VAT1L: variants seen among roughly 807,000 people sequenced by gnomAD.
VAT1L encodes the protein vesicle amine transport 1 like.
VAT1L carries 34 observed loss-of-function variants against 44.1 expected under a neutral mutation model. The ratio of observed to expected loss-of-function variants is 0.77; its 90% CI spans 0.59 to 1.03. The LOEUF (loss-of-function observed/expected upper bound fraction) is 1.03. VAT1L is among the 50% of genes least tolerant of loss of function. The pLI is 0.00. For missense variants in VAT1L, 615 were observed against 538.8 expected (o/e 1.14, Z -1.40); for synonymous variants, 253 against 202.2 (o/e 1.25, Z -2.13).
chr16:77,967,523 A>AT (rs2018235815), intron 7 of VAT1L, among the ~76,000 whole-genome samples: 1 of 152,238 alleles, frequency 6.6e-6, no homozygotes, highest in African/African-American at 2.4e-5. Flanking sequence ...CACAGCGTGA[A>AT]TAGGAGGTCA....
intron 7 of VAT1L, among the ~76,000 whole-genome samples, chr16:77,933,836 C>T (rs1208328514): frequency 6.6e-6 from 1 of 152,140 alleles, no homozygotes; most frequent in Non-Finnish European, 1.5e-5. Context: ...GAGAAGTAGT[C>T]AGATGGCACA....
intron 3 of VAT1L, among the ~76,000 whole-genome samples, chr16:77,846,684 C>G (rs2016760834): frequency 6.6e-6 from 1 of 152,068 alleles, no homozygotes; most frequent in South Asian, 2.1e-4. Context: ...ACTATAACAC[C>G]ATAATTTCTT....
intron 7 of VAT1L, among the ~76,000 whole-genome samples, chr16:77,914,356 A>G (rs2017529750): frequency 6.6e-6 from 1 of 152,228 alleles, no homozygotes; most frequent in Admixed American, 6.5e-5. Flanking sequence ...GGAGTACTAT[A>G]AAATAGCATT....
At chr16:77,825,742 C>T (rs1048953568) in intron 3 of VAT1L, among the ~76,000 whole-genome samples, 1 of 151,750 alleles carries the variant, frequency 6.6e-6, no homozygotes, top group African/African-American at 2.4e-5. Context: ...TCAGGCCGGG[C>T]GCCGTGACTC....
Position 77,876,319 on chromosome 16 carries a change from G to C in VAT1L, c.723-51G>C. 3 of 1,487,384 alleles carry C rather than the reference G, an allele frequency of 2.0e-6. No homozygotes were observed. The South Asian group carries it at 3.4e-5, about 17-fold the overall frequency. The allele number at this position is 1,487,384 out of a possible 1,614,324, so 92.1% of individuals were successfully genotyped here. A position where few individuals can be genotyped will look rare whatever the true frequency, so the allele number is the denominator to read the frequency against. On this transcript the variant is annotated intron_variant, in intron 4 of 8. Coordinates refer to ENST00000302536, the MANE Select transcript of VAT1L (RefSeq NM_020927.3). ...ACACAGGAAAGGAAAGGGATTGACA[G>C]TCTGGCTCCTGACAGGTCACAGAAT... is the stretch of plus-strand genomic sequence containing the variant.
chr16:77,938,239 T>G (rs760138750), intron 7 of VAT1L, among the ~76,000 whole-genome samples: 2 of 152,190 alleles, frequency 1.3e-5, no homozygotes, highest in Admixed American at 6.5e-5. Context: ...TCTAAATGTG[T>G]CTTATGTCTC....
chr16:77,945,945 G>A (rs2017956717), intron 7 of VAT1L, among the ~76,000 whole-genome samples: 2 of 152,056 alleles, frequency 1.3e-5, no homozygotes, highest in Non-Finnish European at 2.9e-5. Context: ...GGGATTACAG[G>A]CGCATGCCAC....
At chr16:77,824,754 T>TC (rs1439925306) in intron 2 of VAT1L, among the ~76,000 whole-genome samples, 2 of 87,778 alleles carry the variant, frequency 2.3e-5, no homozygotes, top group Non-Finnish European at 4.7e-5. Context: ...AGACTCCATC[T>TC]CAAAAAAAAA....
intron 3 of VAT1L, among the ~76,000 whole-genome samples, chr16:77,849,318 T>C (rs1346792017): frequency 2.0e-5 from 3 of 152,152 alleles, no homozygotes; most frequent in Non-Finnish European, 4.4e-5. Flanking sequence ...GAACAGGGCG[T>C]TGCATTACTA....
intron 7 of VAT1L, among the ~76,000 whole-genome samples, chr16:77,896,479 TAC>T (rs2017326270): frequency 6.6e-6 from 1 of 152,076 alleles, no homozygotes. Flanking sequence ...GTACAAAAGG[TAC>T]TTAGCTTAAT....
intron 3 of VAT1L, among the ~76,000 whole-genome samples, chr16:77,840,734 T>A (rs544978721): frequency 0.031 from 4,792 of 152,276 alleles, 262 homozygotes; most frequent in African/African-American, 0.11. Context: ...CAGATACGTG[T>A]TTGATTCCTG....
At chr16:77,920,370 T>G (rs1298812074) in intron 7 of VAT1L, among the ~76,000 whole-genome samples, 1 of 152,094 alleles carries the variant, frequency 6.6e-6, no homozygotes. Context: ...ATCCCAGCAA[T>G]GCAGGAGAAG....
intron 7 of VAT1L, among the ~76,000 whole-genome samples, chr16:77,917,172 A>T (rs1281156612): frequency 6.6e-6 from 1 of 152,098 alleles, no homozygotes; most frequent in Non-Finnish European, 1.5e-5. Context: ...ATCTAGAGAG[A>T]CGATAAGAGG....
chr16:77,837,350 A>G (rs980452096), intron 3 of VAT1L, among the ~76,000 whole-genome samples: 1 of 152,172 alleles, frequency 6.6e-6, no homozygotes, highest in Non-Finnish European at 1.5e-5. Flanking sequence ...CCAGGCTCCC[A>G]TGTTCATAAA....
At chr16:77,792,968 T>C (rs2015860951) in intron 1 of VAT1L, among the ~76,000 whole-genome samples, 1 of 152,234 alleles carries the variant, frequency 6.6e-6, no homozygotes, top group South Asian at 2.1e-4. Context: ...TACTTTTGGT[T>C]GCCGTATAAA....
At chr16:77,920,510 G>T (rs747009446) in intron 7 of VAT1L, among the ~76,000 whole-genome samples, 1 of 152,108 alleles carries the variant, frequency 6.6e-6, no homozygotes, top group East Asian at 1.9e-4. Flanking sequence ...ATACTTAGAA[G>T]ACTGAATATC....
intron 3 of VAT1L, among the ~76,000 whole-genome samples, chr16:77,850,116 C>A (rs905160206): frequency 5.9e-5 from 9 of 152,154 alleles, no homozygotes; most frequent in Non-Finnish European, 1.0e-4. Context: ...CAAGTAAACG[C>A]CTTTGCTTTC....
chr16:77,917,244 G>A (rs943242211), intron 7 of VAT1L, among the ~76,000 whole-genome samples: 1 of 152,124 alleles, frequency 6.6e-6, no homozygotes, highest in Non-Finnish European at 1.5e-5. Context: ...CAGGAGGTAG[G>A]ACCAGAAGGG....
Position 77,925,456 on chromosome 16 carries a change from G to C in VAT1L, c.1077+40654G>C, listed in dbSNP as rs192963683. 1.7e-3 allele frequency among the ~76,000 whole-genome samples: 256 copies of C among 152,272 alleles called. 2 individuals are homozygous for C. Among genetic ancestry groups the C allele is most frequent in the Admixed American group, 6.6e-3 (101 of 15,304 alleles). On this transcript the variant is annotated intron_variant, in intron 7 of 8. Coordinates refer to ENST00000302536, the MANE Select transcript of VAT1L (RefSeq NM_020927.3). ...GCTAATAATACCCCTTAGTGGAAAG[G>C]GTTGTTTCGGGGTATTAAAGAGGTC...
Sources: allele counts gnomAD v4.1 joint callset (sites outside exome capture counted in the v4.1 genomes callset), GRCh38; gene constraint gnomAD v4.1.1; transcripts MANE v1.5; gene names NCBI Gene and HGNC (gene_info 2026-07-23, HGNC 2026-07-21).